Variants in NAT9 observed in about 807,000 individuals in gnomAD.
The protein encoded by NAT9 is alpha/beta-tubulin-N-acetyltransferase 9.
In NAT9, 18 loss-of-function variants were observed where a neutral mutation model predicts 24.0. The ratio of observed to expected loss-of-function variants is 0.75; its 90% CI spans 0.52 to 1.11. The LOEUF is 1.11. Ranked by LOEUF, NAT9 falls within the 50% of genes most tolerant of loss-of-function variation. The pLI is 0.00. For synonymous variants in NAT9, 104 were observed against 102.3 expected, an observed-to-expected ratio of 1.02 and a Z score of -0.10; for missense variants, 254 against 258.6, an observed-to-expected ratio of 0.98 and a Z score of 0.12.
chr17:74,771,923 C>G (rs1364989681), intron 6 of NAT9, 37 bp downstream of exon 6: 4 of 1,614,108 alleles, frequency 2.5e-6, no homozygotes, highest in Non-Finnish European at 3.4e-6. Flanking sequence ...GCCCACCACC[C>G]AGGTCTAAGC....
At chr17:74,775,853 C>A (rs1446509369) in intron 1 of NAT9, 146 bp from the exon 2 acceptor site, 6 of 569,128 alleles carry the variant, frequency 1.1e-5, no homozygotes, top group South Asian at 2.4e-5. Flanking sequence ...CTCCAAAATT[C>A]TTGCAAGAAA....
Position 74,772,057 on chromosome 17 carries a change from C to G in NAT9, c.395-3G>C. ...GGTCAGACCTAGCGTGGTCACTCCTCGCAGAGGAGATGAGACAGGGGCAAG... is the reference window on the plus strand; with the variant it reads ...GGTCAGACCTAGCGTGGTCACTCCTGGCAGAGGAGATGAGACAGGGGCAAG... On this transcript the variant is annotated splice_region_variant and splice_polypyrimidine_tract_variant and intron_variant, in intron 5 of 6. Transcript: ENST00000357814. 4.3e-6 allele frequency: 7 copies of G among 1,614,156 alleles called. No individual in the cohort carries two copies. The highest frequency in any genetic ancestry group is 1.1e-5 in the South Asian group (1 of 91,086).
chr17:74,773,629 A>G lies in NAT9; in HGVS notation c.137T>C (p.Leu46Pro). The change falls in exon 3 of 7, where the codon CTG becomes CCG. Residue 46 changes from leucine to proline, a missense_variant. Physicochemically the swap from Leu to Pro is moderately conservative, Grantham distance 98 (BLOSUM62 -3). Transcript: ENST00000357814. ...CATGGCATACTCCTGCTCCAGGGTC[A>G]GCGGCTCCGAGGCTGTCAAACGCTG... Reference protein sequence around the residue: ...ELQRLTASEPLTLEQEYAMQC... With the variant: ...ELQRLTASEPPTLEQEYAMQC... The G allele has an allele frequency of 1.2e-6, 2 of 1,614,152 alleles. No individual in the cohort carries two copies. The highest frequency in any genetic ancestry group is 1.7e-6 in the Non-Finnish European group (2 of 1,180,022).
intron 3 of NAT9, chr17:74,773,330 C>G (rs1013496159): frequency 2.4e-5 from 14 of 590,926 alleles, no homozygotes; most frequent in East Asian, 1.1e-4. Context: ...AATTTACAGC[C>G]AGAGCCCCAA....
intron 4 of NAT9, 85 bp from the exon 5 acceptor site, chr17:74,772,362 C>T: frequency 6.5e-7 from 1 of 1,547,016 alleles, no homozygotes; most frequent in East Asian, 2.4e-5. Context: ...ATTTAATTCT[C>T]AACAACTCTG....
At chr17:74,772,827 C>T in intron 4 of NAT9, 69 bp downstream of exon 4, 1 of 1,597,908 alleles carries the variant, frequency 6.3e-7, no homozygotes, top group South Asian at 1.1e-5. Context: ...CCCTTTGCAG[C>T]CTCGGCAGGC....
In NAT9 at chr17:74,772,902, T is replaced by C; in HGVS notation, c.328A>G (p.Ile110Val). ...DLTLGEIEVMIAEPSCRGKGL... is the reference protein window; with the variant it reads ...DLTLGEIEVMVAEPSCRGKGL... ...AGGGCTAGGTGAAACAAACCTGCAA[T>C]CATGACCTCGATCTCCCCCAAGGTG... Residue 110 changes from isoleucine (I) to valine (V), a missense_variant, in exon 4 of 7, where the codon ATT becomes GTT. Ile to Val is a conservative substitution (Grantham distance 29, BLOSUM62 3). Transcript: ENST00000357814. 2 of 1,613,990 alleles carry C rather than the reference T, an allele frequency of 1.2e-6. No individual in the cohort carries two copies. The highest frequency in any genetic ancestry group is 1.1e-5 in the South Asian group (1 of 91,080).
intron 2 of NAT9, among the ~76,000 whole-genome samples, chr17:74,774,741 G>A (rs989065852): frequency 5.9e-5 from 9 of 151,976 alleles, no homozygotes; most frequent in Non-Finnish European, 8.8e-5. Flanking sequence ...TAGTAGAGAC[G>A]GGGTTTCACC....
At chr17:74,772,833 C>T in intron 4 of NAT9, 63 bp downstream of exon 4, 3 of 1,603,724 alleles carry the variant, frequency 1.9e-6, no homozygotes, top group Non-Finnish European at 2.6e-6. Flanking sequence ...GCAGCCTCGG[C>T]AGGCTCAGTC....
intron 4 of NAT9, 128 bp downstream of exon 4, chr17:74,772,768 G>T (rs1248623921): frequency 2.3e-5 from 32 of 1,416,370 alleles, no homozygotes; most frequent in Non-Finnish European, 3.1e-5. Context: ...GCCCAGCCAG[G>T]CCCTGGACTC....
rs755061178 is a variant in NAT9 at position 74,771,359 on chromosome 17, C to T, written c.*365G>A. The T allele has an allele frequency of 3.2e-5, 9 of 281,876 alleles. No individual in the cohort carries two copies. The highest frequency in any genetic ancestry group is 6.2e-5 in the Non-Finnish European group (9 of 144,902). 17.5% of individuals were successfully genotyped at this position (281,876 alleles called of 1,614,324 possible). ...GGAGCTTCACTCCCAGCCAGGGCAG[C>T]ACCTCTGGCCTCTAAGGAGAAAGGC... is the stretch of plus-strand genomic sequence containing the variant. On this transcript the variant is annotated 3_prime_UTR_variant, in exon 7 of 7. Coordinates refer to ENST00000357814, the MANE Select transcript of NAT9 (RefSeq NM_015654.5).
rs1478273109 is a variant in NAT9, at chr17:74,771,082, C to G, written c.*642G>C. 6.5e-6 allele frequency: 1 copy of G among 154,332 alleles called. No homozygotes were observed. The highest frequency in any genetic ancestry group is 1.4e-5 in the Non-Finnish European group (1 of 69,390). 9.6% of individuals were successfully genotyped at this position (154,332 alleles called of 1,614,324 possible). A position where few individuals can be genotyped will look rare whatever the true frequency, so the allele number is the denominator to read the frequency against. On this transcript the variant is annotated 3_prime_UTR_variant, in exon 7 of 7. Transcript: ENST00000357814. Reference sequence around the variant, plus strand: ...AGGGGTGTTTTCCAGCCACAAGGAGCTGTATCTAACACTAATGCCTTTAAA... The same window carrying G: ...AGGGGTGTTTTCCAGCCACAAGGAGGTGTATCTAACACTAATGCCTTTAAA...
At chr17:74,772,349 C>T in intron 4 of NAT9, 72 bp from the exon 5 acceptor site, 2 of 1,576,332 alleles carry the variant, frequency 1.3e-6, no homozygotes, top group Middle Eastern at 1.7e-4. Flanking sequence ...CAGACACCAT[C>T]TCATTTAATT....
At position 74,772,916 on chromosome 17, in the gene NAT9, T is replaced by TC. The variant is rs1347870956; in HGVS notation, c.313dup (p.Glu105GlyfsTer14). ...CAAACCTGCAATCATGACCTCGATC[T>TC]CCCCCAAGGTGAGGTCTTCTAGATC... On this transcript the variant is annotated frameshift_variant, in exon 4 of 7. Transcript: ENST00000357814. LOFTEE classifies it high-confidence loss of function. The TC allele has an allele frequency of 6.2e-7, 1 of 1,613,876 alleles. No individual in the cohort carries two copies. The highest frequency in any genetic ancestry group is 8.5e-7 in the Non-Finnish European group (1 of 1,180,014).
chr17:74,775,974 T>G, intron 1 of NAT9: 2 of 384,914 alleles, frequency 5.2e-6, no homozygotes, highest in East Asian at 4.3e-5. Context: ...AGAACTTCGA[T>G]TCCTCAAACC....
intron 2 of NAT9, chr17:74,775,307 C>T (rs1430428968): frequency 4.4e-6 from 1 of 227,918 alleles, no homozygotes; most frequent in African/African-American, 2.3e-5. Context: ...CCCACCTCAG[C>T]CTCCCTAGTA....
chr17:74,775,629 C>G lies in NAT9; in HGVS notation c.70G>C (p.Val24Leu), dbSNP rs1405252712. Residue 24 changes from valine (V) to leucine (L), a missense_variant, in exon 2 of 7, where the codon GTG becomes CTG. Val to Leu is a conservative substitution (Grantham distance 32). Coordinates refer to ENST00000357814, the MANE Select transcript of NAT9 (RefSeq NM_015654.5). Reference sequence around the variant, plus strand: ...GTCAAGCGGGAAAGATACCTGGGCACATGCTCCGAGGTGTAGGGTACAAGG... The same window carrying G: ...GTCAAGCGGGAAAGATACCTGGGCAGATGCTCCGAGGTGTAGGGTACAAGG... The part of the protein sequence containing the change: ...VVLVPYTSEH[V>L]PSRYHEWMKS... 1.9e-6 allele frequency: 3 copies of G among 1,613,784 alleles called. No individual in the cohort carries two copies. In the Admixed American group the frequency reaches 5.0e-5, roughly 27 times the overall value.
chr17:74,773,789 AAAG>A (rs777109410), intron 2 of NAT9, 101 bp from the exon 3 acceptor site: 3 of 972,858 alleles, frequency 3.1e-6, no homozygotes, highest in Non-Finnish European at 4.9e-6. Flanking sequence ...CATAGGGCTC[AAAG>A]AAGACCCAAA....
rs1461824033 is a variant in NAT9, at chr17:74,772,896, C to T, written c.334G>A (p.Glu112Lys). ...TLGEIEVMIA[E>K]PSCRGKGLGT... ...GAAGGCAGGGCTAGGTGAAACAAAC[C>T]TGCAATCATGACCTCGATCTCCCCC... The change falls in exon 4 of 7, where the codon GAG (glutamate) becomes AAG (lysine). Residue 112 changes from glutamate to lysine, a missense_variant and splice_region_variant. Transcript: ENST00000357814. The T allele has an allele frequency of 6.2e-7, 1 of 1,614,124 alleles. No homozygotes were observed. Among genetic ancestry groups the T allele is most frequent in the East Asian group, 2.2e-5 (1 of 44,866 alleles).
Sources: gnomAD v4.1 joint callset for allele counts (sites outside exome capture counted in the v4.1 genomes callset) on GRCh38, gnomAD v4.1.1 for gene constraint, MANE v1.5 for transcripts, NCBI Gene and HGNC (gene_info 2026-07-23, HGNC 2026-07-21) for gene names.